Variants in RAB3IL1 observed in about 807,000 individuals in gnomAD.
The protein encoded by RAB3IL1 is RAB3A interacting protein like 1.
Under a neutral mutation model 49.2 loss-of-function variants are expected in RAB3IL1, and 37 were observed. That is an observed-to-expected ratio of 0.75 (90% CI 0.58 to 0.99). RAB3IL1 has a LOEUF of 0.99. RAB3IL1 is among the 50% of genes least tolerant of loss of function. The probability of loss-of-function intolerance (pLI) is 0.00; values close to 1 mark genes in which losing one functional copy is unlikely to be tolerated. For missense variants in RAB3IL1, 484 were observed against 513.0 expected (o/e 0.94, Z 0.55); for synonymous variants, 193 against 213.9 (o/e 0.90, Z 0.85).
chr11:61,935,801 C>A, the RAB3IL1 span, among the ~76,000 whole-genome samples: 1 of 152,046 alleles, frequency 6.6e-6, no homozygotes, highest in Non-Finnish European at 1.5e-5. Flanking sequence ...AGGGGTGAGC[C>A]ACCACACCTG....
rs532296940 is a variant in RAB3IL1, at chr11:61,897,842, A to C, written c.*436T>G. On this transcript the variant is annotated 3_prime_UTR_variant, in exon 10 of 10. Transcript: ENST00000394836. ...GGGTGCTGCTGGCCCAGGGCTTGGC[A>C]GCTGGGGTGGAGGGTACCCTGGAGA... is the stretch of plus-strand genomic sequence containing the variant. The C allele has an allele frequency of 6.1e-6, 1 of 165,186 alleles. No homozygotes were observed. Among genetic ancestry groups the C allele is most frequent in the Admixed American group, 6.1e-5 (1 of 16,482 alleles). 10.2% of individuals were successfully genotyped at this position (165,186 alleles called of 1,614,324 possible).
intron 7 of RAB3IL1, among the ~76,000 whole-genome samples, chr11:61,903,121 C>T (rs1206626568): frequency 6.6e-6 from 1 of 152,116 alleles, no homozygotes; most frequent in African/African-American, 2.4e-5. Context: ...TCTCCACAGG[C>T]CCTGAGCAAC....
chr11:61,937,728 T>C, the RAB3IL1 span, among the ~76,000 whole-genome samples: 1 of 151,380 alleles, frequency 6.6e-6, no homozygotes, highest in Non-Finnish European at 1.5e-5. Flanking sequence ...AAGGCAATAA[T>C]GAAGGAGTTG....
the RAB3IL1 span, among the ~76,000 whole-genome samples, chr11:61,940,015 G>A: frequency 2.8e-4 from 42 of 151,528 alleles, no homozygotes; most frequent in African/African-American, 8.7e-4. Flanking sequence ...ATGGTGTCTC[G>A]TGCCTGTAGT....
At chr11:61,932,827 A>G in the RAB3IL1 span, among the ~76,000 whole-genome samples, 12 of 140,378 alleles carry the variant, frequency 8.5e-5, no homozygotes, top group Non-Finnish European at 3.0e-5. Context: ...GCTGGAGTGC[A>G]GTGGCACAAT....
chr11:61,910,161 G>A (rs1270432366), intron 1 of RAB3IL1, among the ~76,000 whole-genome samples: 1 of 152,194 alleles, frequency 6.6e-6, no homozygotes, highest in African/African-American at 2.4e-5. Flanking sequence ...GGGACAGGTG[G>A]CCAGGTCTTC....
intron 1 of RAB3IL1, among the ~76,000 whole-genome samples, chr11:61,910,299 T>C (rs1337664062): frequency 6.6e-6 from 1 of 152,162 alleles, no homozygotes; most frequent in Non-Finnish European, 1.5e-5. Flanking sequence ...AGGCTCCTCT[T>C]TGGCTGCAGT....
At chr11:61,941,717 A>ACTC in the RAB3IL1 span, among the ~76,000 whole-genome samples, 2 of 152,146 alleles carry the variant, frequency 1.3e-5, no homozygotes, top group Non-Finnish European at 2.9e-5. Flanking sequence ...GCACCACTGC[A>ACTC]CTCCAGCCTG....
intron 1 of RAB3IL1, among the ~76,000 whole-genome samples, chr11:61,913,187 G>T (rs1565366300): frequency 6.6e-6 from 1 of 152,104 alleles, no homozygotes; most frequent in Admixed American, 6.5e-5. Flanking sequence ...GAGGACAAGG[G>T]CTTGAGAGCC....
intron 8 of RAB3IL1, among the ~76,000 whole-genome samples, chr11:61,901,684 T>C (rs1938923191): frequency 6.6e-6 from 1 of 152,206 alleles, no homozygotes; most frequent in African/African-American, 2.4e-5. Context: ...CTCTAGAAGC[T>C]GAGGGTGTCC....
intron 8 of RAB3IL1, among the ~76,000 whole-genome samples, chr11:61,901,115 A>G (rs1231796498): frequency 1.3e-5 from 2 of 152,156 alleles, no homozygotes; most frequent in Non-Finnish European, 2.9e-5. Context: ...CATCAAGGAC[A>G]GTATAGTCTG....
At chr11:61,912,527 T>A (rs917502396) in intron 1 of RAB3IL1, among the ~76,000 whole-genome samples, 2 of 152,162 alleles carry the variant, frequency 1.3e-5, no homozygotes, top group Admixed American at 6.5e-5. Flanking sequence ...ACTCCACAGG[T>A]GTCATGGCCT....
At chr11:61,899,934 T>G (rs1938819189) in intron 8 of RAB3IL1, among the ~76,000 whole-genome samples, 1 of 152,190 alleles carries the variant, frequency 6.6e-6, no homozygotes. Context: ...CCGGGGACCC[T>G]GTGTTGGCTC....
At chr11:61,934,319 TACACAC>T in the RAB3IL1 span, among the ~76,000 whole-genome samples, 10 of 126,526 alleles carry the variant, frequency 7.9e-5, no homozygotes, top group Middle Eastern at 3.6e-3. Flanking sequence ...TGAGTAAATA[TACACAC>T]ACACACACAC....
At chr11:61,945,172 C>A in the RAB3IL1 span, among the ~76,000 whole-genome samples, 3 of 152,314 alleles carry the variant, frequency 2.0e-5, no homozygotes, top group African/African-American at 7.2e-5. Flanking sequence ...CCTCATCTAG[C>A]CTACCCTTGT....
At chr11:61,914,298 T>C (rs1052832485) in intron 1 of RAB3IL1, among the ~76,000 whole-genome samples, 3 of 152,172 alleles carry the variant, frequency 2.0e-5, no homozygotes, top group Admixed American at 2.0e-4. Flanking sequence ...AGTGGTCTCA[T>C]CTCATTCCTG....
At chr11:61,921,175 T>G (rs955695092), upstream of RAB3IL1, among the ~76,000 whole-genome samples, 1 of 152,028 alleles carries the variant, frequency 6.6e-6, no homozygotes, top group Non-Finnish European at 1.5e-5. Flanking sequence ...ATTTTTAAAT[T>G]TTTTTTATTT....
rs1939761262 is a variant in RAB3IL1 at position 61,917,563 on chromosome 11, T to C, written c.-196A>G. On this transcript the variant is annotated 5_prime_UTR_variant, in exon 1 of 10. Transcript: ENST00000394836. ...CAGCCCCGACCCTGCCCTGGGCGGG[T>C]CACGTGGCGGAGGGGGGAGCGGCCC... 1.8e-6 allele frequency: 2 copies of C among 1,091,238 alleles called. No individual in the cohort carries two copies. The highest frequency in any genetic ancestry group is 8.9e-5 in the South Asian group (2 of 22,408). 67.6% of individuals were successfully genotyped at this position (1,091,238 alleles called of 1,614,324 possible). A position where few individuals can be genotyped will look rare whatever the true frequency, so the allele number is the denominator to read the frequency against.
At chr11:61,913,657 G>A (rs1284386252) in intron 1 of RAB3IL1, among the ~76,000 whole-genome samples, 1 of 152,098 alleles carries the variant, frequency 6.6e-6, no homozygotes, top group Non-Finnish European at 1.5e-5. Context: ...CCTCAAATGC[G>A]CCTGTGGCGA....
Sources: allele counts gnomAD v4.1 joint callset (sites outside exome capture counted in the v4.1 genomes callset), GRCh38; gene constraint gnomAD v4.1.1; transcripts MANE v1.5; gene names NCBI Gene and HGNC (gene_info 2026-07-23, HGNC 2026-07-21).